Variants in CD46 observed in about 807,000 individuals in gnomAD.
The protein encoded by CD46 is membrane cofactor protein.
A neutral mutation model predicts 53.3 loss-of-function variants in CD46; 30 were observed. The observed-to-expected ratio is 0.56, with a 90% CI of 0.42 to 0.76. The LOEUF (loss-of-function observed/expected upper bound fraction) is 0.76, where lower values mean the gene tolerates loss of function less well. Among genes scored for constraint, CD46 ranks in the 30% least tolerant of loss-of-function variants. The pLI is 0.00. For missense variants in CD46, 409 were observed against 463.0 expected (o/e 0.88, Z 1.07); for synonymous variants, 142 against 152.0 (o/e 0.93, Z 0.48).
chr1:207,793,262 T>G (rs778331831), intron 12 of CD46, among the ~76,000 whole-genome samples: 2 of 152,232 alleles, frequency 1.3e-5, no homozygotes, highest in African/African-American at 2.4e-5. Flanking sequence ...ACATAGTTAC[T>G]AAGTACTTTG....
chr1:207,778,728 C>T (rs1658395142), intron 8 of CD46, among the ~76,000 whole-genome samples: 1 of 152,148 alleles, frequency 6.6e-6, no homozygotes, highest in Admixed American at 6.5e-5. Flanking sequence ...GTGATGCCTC[C>T]AGCTTTGTTC....
At chr1:207,783,696 C>T (rs992212560) in intron 9 of CD46, 2 of 158,930 alleles carry the variant, frequency 1.3e-5, no homozygotes, top group African/African-American at 4.8e-5. Flanking sequence ...TGATATAGGC[C>T]AATGAAAAAT....
At chr1:207,783,127 A>C (rs192368450) in intron 8 of CD46, among the ~76,000 whole-genome samples, 165 bp from the exon 9 acceptor site, 93 of 152,280 alleles carry the variant, frequency 6.1e-4, no homozygotes, top group African/African-American at 2.0e-3. Context: ...TTTTTATGAT[A>C]CTACTTTGAG....
chr1:207,767,644 T>G (rs1215246051), intron 6 of CD46, 135 bp from the exon 7 acceptor site: 1 of 1,612,752 alleles, frequency 6.2e-7, no homozygotes, highest in Non-Finnish European at 8.5e-7. Context: ...CAGCTTTGAG[T>G]CATTCAGGTT....
At chr1:207,786,042 G>A in intron 11 of CD46, 1 of 192,514 alleles carries the variant, frequency 5.2e-6, no homozygotes, top group Non-Finnish European at 1.1e-5. Context: ...TAAATTTAAA[G>A]TATTTCACTG....
chr1:207,766,304 T>C (rs997175222), intron 5 of CD46, among the ~76,000 whole-genome samples: 1 of 152,190 alleles, frequency 6.6e-6, no homozygotes, highest in Non-Finnish European at 1.5e-5. Flanking sequence ...ATGTAAATTA[T>C]ATCCAATAAA....
chr1:207,753,378 A>C (rs945160679), intron 1 of CD46, among the ~76,000 whole-genome samples: 6 of 152,230 alleles, frequency 3.9e-5, no homozygotes, highest in Non-Finnish European at 7.3e-5. Flanking sequence ...ACTTTTAAAA[A>C]TGCATGCTAG....
chr1:207,793,861 G>GT lies in CD46; in HGVS notation c.*385dup. The stretch of plus-strand genomic sequence containing the variant: ...GGTTGTATTAAAGCAGGGATATGCT[G>GT]TATTTTATAAAATTGGCAAAATTAG... On this transcript the variant is annotated 3_prime_UTR_variant, in exon 13 of 13. Transcript: ENST00000367042. 1 of 390,816 alleles carries GT rather than the reference G, an allele frequency of 2.6e-6. No homozygotes were observed. The highest frequency in any genetic ancestry group is 4.6e-6 in the Non-Finnish European group (1 of 215,110). 24.2% of individuals were successfully genotyped at this position (390,816 alleles called of 1,614,324 possible). A position where few individuals can be genotyped will look rare whatever the true frequency, so the allele number is the denominator to read the frequency against.
chr1:207,771,050 C>G (rs1433780770), intron 8 of CD46, among the ~76,000 whole-genome samples: 3 of 152,190 alleles, frequency 2.0e-5, no homozygotes, highest in African/African-American at 7.2e-5. Flanking sequence ...TCTCCACATC[C>G]TCTCCAGCAT....
At chr1:207,787,798 A>G (rs971823286) in intron 11 of CD46, among the ~76,000 whole-genome samples, 3 of 152,300 alleles carry the variant, frequency 2.0e-5, no homozygotes, top group Middle Eastern at 3.4e-3. Flanking sequence ...TTATGGATCT[A>G]TTATTTTGTA....
At chr1:207,756,390 T>TA (rs1655543073) in intron 1 of CD46, among the ~76,000 whole-genome samples, 1 of 152,238 alleles carries the variant, frequency 6.6e-6, no homozygotes, top group Non-Finnish European at 1.5e-5. Flanking sequence ...ACTTGAGCCT[T>TA]TTGTTTGACT....
At chr1:207,758,183 T>A (rs2724385) in intron 3 of CD46, among the ~76,000 whole-genome samples, 71,871 of 152,050 alleles carry the variant, frequency 0.47, 18,330 homozygotes, top group East Asian at 0.83. Flanking sequence ...TCTGTAGGGT[T>A]TTGAAGTTGT....
chr1:207,784,644 G>T (rs959382817), intron 9 of CD46, among the ~76,000 whole-genome samples: 1 of 152,138 alleles, frequency 6.6e-6, no homozygotes, highest in Non-Finnish European at 1.5e-5. Flanking sequence ...CAATGCTGTT[G>T]TAAGGAACAG....
chr1:207,761,343 T>C lies in CD46; in HGVS notation c.570T>C (p.Ser190=). 1.9e-6 allele frequency: 3 copies of C among 1,612,976 alleles called. No homozygotes were observed. The highest frequency in any genetic ancestry group is 2.5e-6 in the Non-Finnish European group (3 of 1,178,902). ...VFEYLDAVTY[S]CDPAPGPDPF... The stretch of plus-strand genomic sequence containing the variant: ...AGTATCTTGATGCAGTAACTTATAG[T>C]TGTGATCCTGCACCTGGACCAGATC... The change falls in exon 5 of 13, where the codon AGT becomes AGC. Residue 190 remains serine (S), a synonymous_variant. Coordinates refer to ENST00000367042, the MANE Select transcript of CD46 (RefSeq NM_172351.3).
chr1:207,779,981 G>T (rs11118572), intron 8 of CD46, among the ~76,000 whole-genome samples: 1 of 130,218 alleles, frequency 7.7e-6, no homozygotes, highest in Non-Finnish European at 1.6e-5. Context: ...TTCCTTTTCA[G>T]AAATTTCTAA....
chr1:207,761,069 C>A, intron 4 of CD46, 180 bp from the exon 5 acceptor site: 1 of 593,150 alleles, frequency 1.7e-6, no homozygotes. Flanking sequence ...TTAGTTACTA[C>A]ATTAATGGTT....
intron 11 of CD46, among the ~76,000 whole-genome samples, chr1:207,787,038 C>T (rs559488663): frequency 1.3e-5 from 2 of 152,188 alleles, no homozygotes; most frequent in Non-Finnish European, 2.9e-5. Context: ...ATTAATCAAA[C>T]TCTCTCTAGC....
At position 207,752,329 on chromosome 1, in the gene CD46, T is replaced by G; in HGVS notation, c.97+20T>G. ...TCTCCGGTAGGACCCCGGGGCGGGT[T>G]CGCGCGTCCGCGGCGAGACTAGAGC... On this transcript the variant is annotated intron_variant, in intron 1 of 12. Coordinates refer to ENST00000367042, the MANE Select transcript of CD46 (RefSeq NM_172351.3). The surrounding 1 kb of genome is among the most constrained non-coding windows in gnomAD (Gnocchi z 4.1). The G allele has an allele frequency of 6.2e-7, 1 of 1,609,442 alleles. No individual in the cohort carries two copies. Among genetic ancestry groups the G allele is most frequent in the East Asian group, 2.2e-5 (1 of 44,834 alleles).
At chr1:207,769,923 G>A (rs376245719) in intron 7 of CD46, 35 of 199,978 alleles carry the variant, frequency 1.8e-4, no homozygotes, top group African/African-American at 7.4e-4. Flanking sequence ...CCACCACTAT[G>A]CCGGCTAATT....
Sources: allele counts gnomAD v4.1 joint callset (sites outside exome capture counted in the v4.1 genomes callset), GRCh38; gene constraint gnomAD v4.1.1; non-coding constraint Gnocchi (gnomAD v3.1); transcripts MANE v1.5; gene names NCBI Gene and HGNC (gene_info 2026-07-23, HGNC 2026-07-21).